LRRFIP1: variants seen among roughly 807,000 people sequenced by gnomAD.
LRRFIP1 encodes LRR binding FLII interacting protein 1, also known as leucine-rich repeat flightless-interacting protein 1.
In LRRFIP1, 62 loss-of-function variants were observed where a neutral mutation model predicts 104.4. The ratio of observed to expected loss-of-function variants is 0.59; its 90% CI spans 0.48 to 0.73. The LOEUF is 0.73. Ranked by LOEUF, LRRFIP1 falls within the 30% of genes least tolerant of loss-of-function variation. The pLI is 0.00. For missense variants in LRRFIP1, 796 were observed against 824.5 expected, an observed-to-expected ratio of 0.97 and a Z score of 0.42; for synonymous variants, 300 against 299.0, an observed-to-expected ratio of 1.00 and a Z score of -0.03.
chr2:237,739,764 A>G (rs2095358761), intron 11 of LRRFIP1, among the ~76,000 whole-genome samples: 1 of 152,074 alleles, frequency 6.6e-6, no homozygotes, highest in South Asian at 2.1e-4. Context: ...CTTGTCACTC[A>G]GCGTGGCCCA....
intron 1 of LRRFIP1, among the ~76,000 whole-genome samples, chr2:237,702,911 T>A (rs1167938665): frequency 6.6e-6 from 1 of 152,226 alleles, no homozygotes; most frequent in Non-Finnish European, 1.5e-5. Context: ...CCCAGGTTAT[T>A]TGAAGACAAG....
chr2:237,690,234 G>A (rs2092673376), intron 1 of LRRFIP1, among the ~76,000 whole-genome samples: 1 of 152,166 alleles, frequency 6.6e-6, no homozygotes, highest in African/African-American at 2.4e-5. Flanking sequence ...TGGTCACAGG[G>A]TTCGGGGTGT....
chr2:237,702,103 G>T (rs893765005), intron 1 of LRRFIP1, among the ~76,000 whole-genome samples: 88 of 152,164 alleles, frequency 5.8e-4, no homozygotes, highest in Non-Finnish European at 3.4e-4. Flanking sequence ...TGTCTTTTTA[G>T]CCATTTGTTT....
intron 1 of LRRFIP1, among the ~76,000 whole-genome samples, chr2:237,705,837 T>C (rs1355882394): frequency 6.6e-6 from 1 of 152,190 alleles, no homozygotes; most frequent in East Asian, 1.9e-4. Flanking sequence ...CTGTGGTCAC[T>C]GTTCCTGCTG....
chr2:237,655,102 CTTTTTT>C (rs1170742860), intron 1 of LRRFIP1, among the ~76,000 whole-genome samples: 19 of 58,272 alleles, frequency 3.3e-4, no homozygotes, highest in African/African-American at 4.7e-4. Context: ...GATCTCACTT[CTTTTTT>C]TTTTTTTTTT....
rs2061418152 is a variant in LRRFIP1, at chr2:237,780,921, A to G, written c.*1389A>G. 6.6e-6 allele frequency among the ~76,000 whole-genome samples: 1 copy of G among 152,230 alleles called. No homozygotes were observed. The highest frequency in any genetic ancestry group is 1.5e-5 in the Non-Finnish European group (1 of 68,030). On this transcript the variant is annotated 3_prime_UTR_variant, in exon 24 of 24. Transcript: ENST00000308482. ...GCCCATTGGGAAGCAGACAAGTTATAGGGGGCTGGGGGCCAACACTGGCAA... is the reference window on the plus strand; with the variant it reads ...GCCCATTGGGAAGCAGACAAGTTATGGGGGGCTGGGGGCCAACACTGGCAA...
At chr2:237,771,612 G>A (rs1022204171) in intron 20 of LRRFIP1, among the ~76,000 whole-genome samples, 2 of 133,384 alleles carry the variant, frequency 1.5e-5, no homozygotes, top group African/African-American at 5.6e-5. Context: ...CTTGCTTAGA[G>A]AGGGGAAAGC....
In LRRFIP1 at chr2:237,691,147, A is replaced by C. The variant is rs73096889; in HGVS notation, c.97-17397A>C. ...CAGAGAAAAGGGAATTGGGAATTGG[A>C]GGGCTGTAAAATGTAAATGTGCTTT... On this transcript the variant is annotated intron_variant, in intron 1 of 23. Coordinates refer to ENST00000308482, the MANE Select transcript of LRRFIP1 (RefSeq NM_001137550.2). This position sits in a 1 kb window ranked among gnomAD's most constrained non-coding sequence, Gnocchi z 5.4. Among the ~76,000 whole-genome samples the C allele has an allele frequency of 2.9e-3, 445 of 151,740 alleles. 3 individuals carry two copies. The highest frequency in any genetic ancestry group is 9.8e-3 in the African/African-American group (401 of 41,060).
intron 17 of LRRFIP1, 56 bp downstream of exon 17, chr2:237,757,604 G>T: frequency 7.3e-7 from 1 of 1,362,712 alleles, no homozygotes; most frequent in Non-Finnish European, 1.0e-6. Context: ...TTAGCAAATA[G>T]AGTTTTTTCA....
At chr2:237,765,564 T>C in intron 19 of LRRFIP1, 1 of 975,012 alleles carries the variant, frequency 1.0e-6, no homozygotes, top group Non-Finnish European at 1.2e-6. Flanking sequence ...TAGACTATAG[T>C]AGGATATTTT....
chr2:237,768,101 C>T (rs1576402936), intron 19 of LRRFIP1: 3 of 152,304 alleles, frequency 2.0e-5, no homozygotes, highest in Non-Finnish European at 4.4e-5. Context: ...ACTATTTATT[C>T]AACAATATAG....
chr2:237,731,179 T>G (rs1297601110), intron 8 of LRRFIP1, among the ~76,000 whole-genome samples: 2 of 152,226 alleles, frequency 1.3e-5, no homozygotes, highest in Non-Finnish European at 2.9e-5. Flanking sequence ...TCCTCTGCGA[T>G]TTCCTTTAGC....
At chr2:237,736,947 G>A (rs189157224) in intron 10 of LRRFIP1, among the ~76,000 whole-genome samples, 52 of 152,284 alleles carry the variant, frequency 3.4e-4, no homozygotes, top group African/African-American at 1.1e-3. Context: ...CCCTGCTCTC[G>A]GTCCAGCGTG....
At chr2:237,672,995 G>A (rs905370398) in intron 1 of LRRFIP1, among the ~76,000 whole-genome samples, 2 of 152,138 alleles carry the variant, frequency 1.3e-5, no homozygotes, top group African/African-American at 2.4e-5. Flanking sequence ...ACCGTGCTCC[G>A]TCGTTTTAGG....
chr2:237,733,023 C>T (rs556657884), intron 8 of LRRFIP1, among the ~76,000 whole-genome samples: 1 of 152,242 alleles, frequency 6.6e-6, no homozygotes, highest in South Asian at 2.1e-4. Context: ...TTGAACTGTC[C>T]CTCTCCCTTG....
In LRRFIP1 at chr2:237,674,535, A is replaced by G. The variant is rs190426434; in HGVS notation, c.97-34009A>G. ...TTTTAAAACCCTGGTATCAATGGTCAATTATGTGACTTTCAAAAGCAAAAA... is the reference window on the plus strand; with the variant it reads ...TTTTAAAACCCTGGTATCAATGGTCGATTATGTGACTTTCAAAAGCAAAAA... On this transcript the variant is annotated intron_variant, in intron 1 of 23. Coordinates refer to ENST00000308482, the MANE Select transcript of LRRFIP1 (RefSeq NM_001137550.2). 3.9e-5 allele frequency among the ~76,000 whole-genome samples: 6 copies of G among 152,340 alleles called. No individual in the cohort carries two copies. In the East Asian group the frequency reaches 9.6e-4, roughly 24 times the overall value.
chr2:237,632,312 G>A (rs1238123807), intron 1 of LRRFIP1, among the ~76,000 whole-genome samples: 1 of 152,210 alleles, frequency 6.6e-6, no homozygotes. Context: ...CCCCAGGCTT[G>A]TTTCAAGATG....
At chr2:237,660,315 C>T (rs977483801) in intron 1 of LRRFIP1, among the ~76,000 whole-genome samples, 15 of 152,332 alleles carry the variant, frequency 9.8e-5, no homozygotes, top group Admixed American at 2.6e-4. Context: ...GCCCACCCCA[C>T]GCCCCAGCAC....
intron 1 of LRRFIP1, among the ~76,000 whole-genome samples, chr2:237,692,726 G>A (rs2092901090): frequency 6.6e-6 from 1 of 152,174 alleles, no homozygotes; most frequent in Non-Finnish European, 1.5e-5. Context: ...GCGCTAGGAA[G>A]CACGCTTTAT....
Sources: gnomAD v4.1 joint callset for allele counts (sites outside exome capture counted in the v4.1 genomes callset) on GRCh38, gnomAD v4.1.1 for gene constraint, Gnocchi (gnomAD v3.1) non-coding constraint, MANE v1.5 for transcripts, NCBI Gene and HGNC (gene_info 2026-07-23, HGNC 2026-07-21) for gene names.